Variants in CEP41 observed in about 807,000 individuals in gnomAD.
CEP41 encodes centrosomal protein 41, also known as centrosomal protein of 41 kDa.
A neutral mutation model predicts 44.3 loss-of-function variants in CEP41; 32 were observed. That is an observed-to-expected ratio of 0.72 (90% CI 0.54 to 0.97). The LOEUF is 0.97. Ranked by LOEUF, CEP41 falls within the 50% of genes least tolerant of loss-of-function variation. The pLI is 0.00. For synonymous variants in CEP41, 151 were observed against 168.5 expected (o/e 0.90, Z 0.80); for missense variants, 432 against 455.2 (o/e 0.95, Z 0.46).
At chr7:130,419,659 G>T in intron 2 of CEP41, 1 of 984,854 alleles carries the variant, frequency 1.0e-6, no homozygotes, top group Non-Finnish European at 1.2e-6. Context: ...AAAAAAAAAA[G>T]TCAGTGGCTC....
At chr7:130,439,614 T>A (rs1798079172) in intron 1 of CEP41, among the ~76,000 whole-genome samples, 1 of 152,208 alleles carries the variant, frequency 6.6e-6, no homozygotes, top group Admixed American at 6.5e-5. Context: ...CACGTATAAG[T>A]GAGATCATGC....
intron 2 of CEP41, chr7:130,420,046 G>C: frequency 5.1e-6 from 5 of 985,408 alleles, no homozygotes; most frequent in Non-Finnish European, 6.0e-6. Flanking sequence ...TGATGGTCAG[G>C]TGCACTGGAT....
intron 6 of CEP41, among the ~76,000 whole-genome samples, 181 bp from the exon 7 acceptor site, chr7:130,402,980 C>T (rs1554417367): frequency 2.0e-5 from 3 of 152,198 alleles, no homozygotes; most frequent in African/African-American, 7.2e-5. Flanking sequence ...TGTGGATTTT[C>T]TCTTCTACTA....
intron 1 of CEP41, among the ~76,000 whole-genome samples, chr7:130,428,855 G>C (rs1174793712): frequency 6.6e-6 from 1 of 151,844 alleles, no homozygotes; most frequent in African/African-American, 2.4e-5. Context: ...AGGTTGCGGT[G>C]AGCGGAGATC....
intron 1 of CEP41, among the ~76,000 whole-genome samples, chr7:130,435,155 C>G (rs1324479203): frequency 1.3e-5 from 2 of 152,060 alleles, no homozygotes; most frequent in African/African-American, 4.8e-5. Flanking sequence ...TTCTCTCCAT[C>G]CCCCAATCAC....
At chr7:130,415,762 T>C (rs1797317188) in intron 3 of CEP41, among the ~76,000 whole-genome samples, 1 of 152,160 alleles carries the variant, frequency 6.6e-6, no homozygotes, top group Non-Finnish European at 1.5e-5. Context: ...TCTGCCTGTC[T>C]TGGATGAGTC....
At chr7:130,410,283 TC>T (rs1797142411) in intron 5 of CEP41, among the ~76,000 whole-genome samples, 1 of 152,078 alleles carries the variant, frequency 6.6e-6, no homozygotes, top group African/African-American at 2.4e-5. Flanking sequence ...CGCCTTGGCC[TC>T]CCAAAGTGCT....
intron 2 of CEP41, among the ~76,000 whole-genome samples, chr7:130,418,152 AAGG>A (rs1464294138): frequency 4.9e-4 from 75 of 152,254 alleles, no homozygotes; most frequent in African/African-American, 1.4e-3. Context: ...CAGGACCAGA[AAGG>A]AGGATTCAGA....
intron 2 of CEP41, among the ~76,000 whole-genome samples, chr7:130,422,977 C>T (rs368588119): frequency 1.4e-4 from 22 of 152,310 alleles, no homozygotes; most frequent in African/African-American, 7.2e-5. Flanking sequence ...GACGGAGTCT[C>T]GCTCTGTCAC....
In CEP41 at chr7:130,394,307, C is replaced by T; in HGVS notation, c.*4584G>A. ...ACTTAATTTCTACCCGAACCTCAGT[C>T]TCCTCATCTGAAAATGGGGGTGCCT... On this transcript the variant is annotated 3_prime_UTR_variant, in exon 11 of 11. Coordinates refer to ENST00000223208, the MANE Select transcript of CEP41 (RefSeq NM_018718.3). 4.4e-6 allele frequency: 2 copies of T among 454,080 alleles called. No homozygotes were observed. The highest frequency in any genetic ancestry group is 8.8e-6 in the Non-Finnish European group (2 of 226,778). The allele number at this position is 454,080 out of a possible 1,614,324, so 28.1% of individuals were successfully genotyped here. A position where few individuals can be genotyped will look rare whatever the true frequency, so the allele number is the denominator to read the frequency against.
At chr7:130,421,763 T>C (rs1311778534) in intron 2 of CEP41, 10 of 1,236,452 alleles carry the variant, frequency 8.1e-6, no homozygotes, top group African/African-American at 3.1e-5. Flanking sequence ...TAGATAGAAA[T>C]GGGAGGACAA....
intron 1 of CEP41, among the ~76,000 whole-genome samples, chr7:130,429,081 A>C (rs1221143950): frequency 6.6e-6 from 1 of 151,978 alleles, no homozygotes; most frequent in Non-Finnish European, 1.5e-5. Context: ...ACCCTCTTCC[A>C]TTTCACTTTC....
In CEP41 at chr7:130,397,315, G is replaced by C; in HGVS notation, c.*1576C>G. 3 of 454,432 alleles carry C rather than the reference G, an allele frequency of 6.6e-6. 1 individual carries two copies. Among genetic ancestry groups the C allele is most frequent in the South Asian group, 4.7e-5 (3 of 64,468 alleles). 28.1% of individuals were successfully genotyped at this position (454,432 alleles called of 1,614,324 possible). On this transcript the variant is annotated 3_prime_UTR_variant, in exon 11 of 11. Transcript: ENST00000223208. The stretch of plus-strand genomic sequence containing the variant: ...GGGCATGGCTTGACATCTGAACAAT[G>C]TCCCTGGTTTGTTTGATTTCTAAAG...
rs145718828 is a variant in CEP41, at chr7:130,417,353, G to T, written c.98-387C>A. 31 of 1,088,618 alleles carry T rather than the reference G, an allele frequency of 2.8e-5. No homozygotes were observed. The East Asian group carries it at 2.1e-3, about 74-fold the overall frequency. 67.4% of individuals were successfully genotyped at this position (1,088,618 alleles called of 1,614,324 possible). A position where few individuals can be genotyped will look rare whatever the true frequency, so the allele number is the denominator to read the frequency against. ...TACACAGAAGAGGAGCAAAAAGGAG[G>T]CAGTGTTCTTTGAGTGTCTAAAATG... On this transcript the variant is annotated intron_variant, in intron 2 of 10. Transcript: ENST00000223208.
chr7:130,397,752 G>A lies in CEP41; in HGVS notation c.*1139C>T, dbSNP rs1186954544. 2.2e-6 allele frequency: 1 copy of A among 450,400 alleles called. No homozygotes were observed. The highest frequency in any genetic ancestry group is 2.4e-5 in the Admixed American group (1 of 42,174). 27.9% of individuals were successfully genotyped at this position (450,400 alleles called of 1,614,324 possible). ...TCCTCATCCTTACCTGAGGCCTTTT[G>A]TTCCCCCAATTAAATGGAATGAATG... On this transcript the variant is annotated 3_prime_UTR_variant, in exon 11 of 11. Coordinates refer to ENST00000223208, the MANE Select transcript of CEP41 (RefSeq NM_018718.3).
intron 5 of CEP41, among the ~76,000 whole-genome samples, chr7:130,406,150 A>G (rs1435455628): frequency 1.3e-5 from 2 of 152,230 alleles, no homozygotes; most frequent in African/African-American, 2.4e-5. Flanking sequence ...TTAAATTTTT[A>G]ATACACTAAA....
chr7:130,415,637 G>A lies in CEP41; in HGVS notation c.145+1282C>T, dbSNP rs117324202. Among the ~76,000 whole-genome samples the A allele has an allele frequency of 7.4e-4, 112 of 152,320 alleles. 1 individual carries two copies. The East Asian group carries it at 0.021, about 29-fold the overall frequency. On this transcript the variant is annotated intron_variant, in intron 3 of 10. Coordinates refer to ENST00000223208, the MANE Select transcript of CEP41 (RefSeq NM_018718.3). Reference sequence around the variant, plus strand: ...GTGAGGTTATGGCAACCTGGGCAGAGTGGGACATTTTTATGGGACAAATTT... The same window carrying A: ...GTGAGGTTATGGCAACCTGGGCAGAATGGGACATTTTTATGGGACAAATTT...
chr7:130,420,054 G>C, intron 2 of CEP41: 1 of 985,436 alleles, frequency 1.0e-6, no homozygotes, highest in Non-Finnish European at 1.2e-6. Context: ...AGGTGCACTG[G>C]ATCATGCCTG....
intron 5 of CEP41, 63 bp downstream of exon 5, chr7:130,411,059 A>G: frequency 7.3e-7 from 1 of 1,373,566 alleles, no homozygotes; most frequent in Non-Finnish European, 1.0e-6. Context: ...AAATGTGTAC[A>G]GGGTGAGTGT....
Sources: allele counts gnomAD v4.1 joint callset (sites outside exome capture counted in the v4.1 genomes callset), GRCh38; gene constraint gnomAD v4.1.1; transcripts MANE v1.5; gene names NCBI Gene and HGNC (gene_info 2026-07-23, HGNC 2026-07-21).